FSIP1: variants seen among roughly 807,000 people sequenced by gnomAD.
The protein encoded by FSIP1 is fibrous sheath-interacting protein 1.
In FSIP1, 65 loss-of-function variants were observed where a neutral mutation model predicts 60.9. The ratio of observed to expected loss-of-function variants is 1.07; its 90% CI spans 0.87 to 1.31. The LOEUF is 1.31. Ranked by LOEUF, FSIP1 falls within the 40% of genes most tolerant of loss-of-function variation. The probability of loss-of-function intolerance (pLI) is 0.00; values close to 1 mark genes in which losing one functional copy is unlikely to be tolerated. For synonymous variants in FSIP1, 209 were observed against 221.2 expected, an observed-to-expected ratio of 0.94 and a Z score of 0.49; for missense variants, 675 against 665.5, an observed-to-expected ratio of 1.01 and a Z score of -0.16.
chr15:39,677,510 C>G (rs997776768), intron 10 of FSIP1, among the ~76,000 whole-genome samples: 3 of 152,136 alleles, frequency 2.0e-5, no homozygotes, highest in Non-Finnish European at 4.4e-5. Flanking sequence ...ATACCAAGCA[C>G]TTTTAAAATT....
rs754280673 is a variant in FSIP1 at position 39,770,552 on chromosome 15, G to A, written c.185C>T (p.Thr62Ile). The A allele has an allele frequency of 4.1e-5, 65 of 1,603,958 alleles. No homozygotes were observed. The highest frequency in any genetic ancestry group is 5.4e-5 in the Non-Finnish European group (63 of 1,177,080). ...ATCATTACTAGTTCTTCTGTTCTCT[G>A]TATTACTGCTTTCGGAGTGGTCCTC... ...GKEDHSESSNTENRRTSNDDK... is the reference protein window; with the variant it reads ...GKEDHSESSNIENRRTSNDDK... Residue 62 changes from threonine (T) to isoleucine (I), a missense_variant, in exon 3 of 12, where the codon ACA becomes ATA. Thr to Ile is a moderately conservative substitution (Grantham distance 89). Coordinates refer to ENST00000350221, the MANE Select transcript of FSIP1 (RefSeq NM_152597.5).
Position 39,706,514 on chromosome 15 carries a change from C to T in FSIP1, c.1188+6930G>A, listed in dbSNP as rs148655011. On this transcript the variant is annotated intron_variant, in intron 10 of 11. Transcript: ENST00000350221. ...TATTTTTCTAAATATATAAAAACCA[C>T]TTACTGAGATACAATAAGCAATGAT... is the stretch of plus-strand genomic sequence containing the variant. 4.4e-3 allele frequency among the ~76,000 whole-genome samples: 670 copies of T among 152,330 alleles called. 9 individuals carry two copies. Among genetic ancestry groups the T allele is most frequent in the African/African-American group, 0.015 (631 of 41,584 alleles).
At chr15:39,716,508 T>C (rs774428336) in intron 9 of FSIP1, among the ~76,000 whole-genome samples, 20 of 152,120 alleles carry the variant, frequency 1.3e-4, no homozygotes, top group Non-Finnish European at 2.1e-4. Context: ...AACTCGATAA[T>C]AAAAATAATC....
chr15:39,780,511 C>T (rs1348273586), intron 1 of FSIP1, among the ~76,000 whole-genome samples: 1 of 152,072 alleles, frequency 6.6e-6, no homozygotes, highest in Admixed American at 6.5e-5. Context: ...CAGAGCGAGA[C>T]TCCGTGTCAA....
intron 10 of FSIP1, among the ~76,000 whole-genome samples, chr15:39,673,997 T>A (rs963395059): frequency 6.6e-6 from 1 of 151,978 alleles, no homozygotes. Flanking sequence ...AAATCCCTGA[T>A]ATAAACTTTA....
chr15:39,674,957 A>G (rs982172081), intron 10 of FSIP1, among the ~76,000 whole-genome samples: 1 of 152,162 alleles, frequency 6.6e-6, no homozygotes, highest in Non-Finnish European at 1.5e-5. Flanking sequence ...AAAGATTAGA[A>G]TCAAGAATAT....
At position 39,770,603 on chromosome 15, in the gene FSIP1, G is replaced by T. The variant is rs150089086; in HGVS notation, c.134C>A (p.Thr45Asn). Residue 45 changes from threonine (T) to asparagine (N), a missense_variant, in exon 3 of 12, where the codon ACT becomes AAT. Coordinates refer to ENST00000350221, the MANE Select transcript of FSIP1 (RefSeq NM_152597.5). ...STEPGSFKVD[T>N]ASNLNSGKED... ...TTTACCAGAGTTCAAGTTGCTTGCAGTATCGACCTAAAAATAATTTCAAAA... is the reference window on the plus strand; with the variant it reads ...TTTACCAGAGTTCAAGTTGCTTGCATTATCGACCTAAAAATAATTTCAAAA... The T allele has an allele frequency of 2.4e-4, 360 of 1,491,546 alleles. 1 individual carries two copies. In the African/African-American group the frequency reaches 4.5e-3, roughly 19 times the overall value. The allele number at this position is 1,491,546 out of a possible 1,614,324, so 92.4% of individuals were successfully genotyped here. A position where few individuals can be genotyped will look rare whatever the true frequency, so the allele number is the denominator to read the frequency against.
At chr15:39,640,709 TAGA>T (rs1892329111) in intron 10 of FSIP1, among the ~76,000 whole-genome samples, 2 of 133,914 alleles carry the variant, frequency 1.5e-5, no homozygotes, top group Non-Finnish European at 3.1e-5. Flanking sequence ...AACCACGTGG[TAGA>T]AGAAGATTTA....
chr15:39,630,881 A>G (rs1260950765), intron 10 of FSIP1, among the ~76,000 whole-genome samples: 1 of 152,224 alleles, frequency 6.6e-6, no homozygotes, highest in Non-Finnish European at 1.5e-5. Flanking sequence ...GTGATACCAC[A>G]GAGCAGCCTA....
chr15:39,744,750 C>CTGTCTG lies in FSIP1; in HGVS notation c.560-2851_560-2850insCAGACA, dbSNP rs1555397499. ...GTAGTCTGTCTGTCTGTCTGTCTGT[C>CTGTCTG]TCTCTCTCTCTCTCTCTCCCCCTCA... On this transcript the variant is annotated intron_variant, in intron 5 of 11. Coordinates refer to ENST00000350221, the MANE Select transcript of FSIP1 (RefSeq NM_152597.5). 4.5e-4 allele frequency among the ~76,000 whole-genome samples: 63 copies of CTGTCTG among 141,030 alleles called. 1 individual carries two copies. The East Asian group carries it at 0.011, about 24-fold the overall frequency. The allele number at this position is 141,030 out of a possible 152,430, so 92.5% of individuals were successfully genotyped here.
Position 39,770,547 on chromosome 15 carries a change from T to C in FSIP1, c.190A>G (p.Asn64Asp), listed in dbSNP as rs1166719. The change falls in exon 3 of 12, where the codon AAC (asparagine) becomes GAC (aspartate). Residue 64 changes from asparagine to aspartate, a missense_variant. By Grantham distance (23) the Asn-to-Asp change is conservative. Transcript: ENST00000350221. ...TTATCATCATTACTAGTTCTTCTGT[T>C]CTCTGTATTACTGCTTTCGGAGTGG... ...EDHSESSNTE[N>D]RRTSNDDKQE... 1,694 of 1,610,590 alleles carry C rather than the reference T, an allele frequency of 1.1e-3. 18 individuals carry two copies. The African/African-American group carries it at 0.02, about 19-fold the overall frequency.
chr15:39,628,143 C>T (rs1374409643), intron 10 of FSIP1, among the ~76,000 whole-genome samples: 1 of 152,104 alleles, frequency 6.6e-6, no homozygotes, highest in Non-Finnish European at 1.5e-5. Flanking sequence ...TTTCTACTGG[C>T]ATATCTGGGA....
intron 4 of FSIP1, 32 bp from the exon 5 acceptor site, chr15:39,763,946 G>A: frequency 8.9e-7 from 1 of 1,120,264 alleles, no homozygotes; most frequent in Non-Finnish European, 1.3e-6. Context: ...TTTAAACATG[G>A]GAAAAGAAGG....
At chr15:39,764,259 T>G (rs560304023) in intron 4 of FSIP1, among the ~76,000 whole-genome samples, 16 of 152,338 alleles carry the variant, frequency 1.1e-4, no homozygotes, top group African/African-American at 3.8e-4. Flanking sequence ...TTTTATTATG[T>G]TTCCATTTAT....
At chr15:39,770,397 C>G in intron 3 of FSIP1, 30 bp downstream of exon 3, 1 of 1,435,238 alleles carries the variant, frequency 7.0e-7, no homozygotes, top group Non-Finnish European at 9.4e-7. Context: ...TTGTAATTAT[C>G]ATTAGCCAAT....
intron 11 of FSIP1, among the ~76,000 whole-genome samples, chr15:39,612,340 A>G (rs1891065887): frequency 6.6e-6 from 1 of 152,186 alleles, no homozygotes; most frequent in Admixed American, 6.5e-5. Flanking sequence ...AATCTATAAC[A>G]AGAAATCTTG....
In FSIP1 at chr15:39,771,074, T is replaced by C. The variant is rs975624443; in HGVS notation, c.127-464A>G. The stretch of plus-strand genomic sequence containing the variant: ...TGCTTTGGTCATTTATTTATTTCTA[T>C]GTTATTCACAGTTTTTCTATTTCAT... On this transcript the variant is annotated intron_variant, in intron 2 of 11. Transcript: ENST00000350221. 7.2e-5 allele frequency among the ~76,000 whole-genome samples: 11 copies of C among 152,264 alleles called. 1 individual carries two copies. The highest frequency in any genetic ancestry group is 3.8e-4 in the East Asian group (2 of 5,204).
chr15:39,698,608 T>C (rs1434797510), intron 10 of FSIP1, among the ~76,000 whole-genome samples: 1 of 152,222 alleles, frequency 6.6e-6, no homozygotes, highest in Non-Finnish European at 1.5e-5. Flanking sequence ...TCGTGATCAG[T>C]GTTTTCCCCA....
intron 10 of FSIP1, among the ~76,000 whole-genome samples, chr15:39,674,525 A>G (rs1463535891): frequency 1.3e-5 from 2 of 152,160 alleles, no homozygotes; most frequent in Non-Finnish European, 2.9e-5. Context: ...AAGACAATCT[A>G]ACTCTGGACA....
Sources: allele counts gnomAD v4.1 joint callset (sites outside exome capture counted in the v4.1 genomes callset), GRCh38; gene constraint gnomAD v4.1.1; transcripts MANE v1.5; gene names NCBI Gene and HGNC (gene_info 2026-07-23, HGNC 2026-07-21).